DLC1: variants seen among roughly 807,000 people sequenced by gnomAD.
The protein encoded by DLC1 is rho GTPase-activating protein 7.
In DLC1, 54 loss-of-function variants were observed where a neutral mutation model predicts 140.3. The observed-to-expected ratio is 0.38, with a 90% confidence interval of 0.31 to 0.48. The LOEUF is 0.48. Among genes scored for constraint, DLC1 ranks in the 20% least tolerant of loss-of-function variants. DLC1 has a pLI of 0.96. For synonymous variants in DLC1, 986 were observed against 728.1 expected, an observed-to-expected ratio of 1.35 and a Z score of -5.70; for missense variants, 2,536 against 1,907.0, an observed-to-expected ratio of 1.33 and a Z score of -6.14.
At chr8:13,237,031 G>A (rs73560340) in intron 5 of DLC1, among the ~76,000 whole-genome samples, 2,331 of 151,892 alleles carry the variant, frequency 0.015, 67 homozygotes, top group African/African-American at 0.053. Context: ...ATGGCTTTGA[G>A]GTCCCTTCCA....
chr8:13,511,599 G>C (rs1802368533), intron 1 of DLC1, among the ~76,000 whole-genome samples: 1 of 152,078 alleles, frequency 6.6e-6, no homozygotes, highest in African/African-American at 2.4e-5. Context: ...AACTCTGTTT[G>C]GTCTATGTTG....
chr8:13,243,450 CAATT>C (rs1354832794), intron 5 of DLC1, among the ~76,000 whole-genome samples: 1 of 152,010 alleles, frequency 6.6e-6, no homozygotes, highest in African/African-American at 2.4e-5. Context: ...GAAACTGAGT[CAATT>C]AAACCTCTTT....
intron 5 of DLC1, among the ~76,000 whole-genome samples, chr8:13,263,949 C>A (rs905624971): frequency 4.6e-5 from 7 of 151,710 alleles, no homozygotes; most frequent in Non-Finnish European, 1.0e-4. Flanking sequence ...ACAGCAAATA[C>A]TTATGTAAGC....
At chr8:13,281,663 A>G (rs989751304) in intron 5 of DLC1, among the ~76,000 whole-genome samples, 2 of 152,184 alleles carry the variant, frequency 1.3e-5, no homozygotes, top group African/African-American at 4.8e-5. Flanking sequence ...TATATACCAA[A>G]ATCACACTAT....
At chr8:13,423,008 T>C (rs1353341742) in intron 2 of DLC1, among the ~76,000 whole-genome samples, 1 of 152,092 alleles carries the variant, frequency 6.6e-6, no homozygotes, top group East Asian at 1.9e-4. Context: ...ATTAACAAAA[T>C]AGGTGTAGAA....
intron 2 of DLC1, among the ~76,000 whole-genome samples, chr8:13,418,832 C>T (rs954760140): frequency 1.3e-5 from 2 of 152,144 alleles, no homozygotes; most frequent in African/African-American, 2.4e-5. Flanking sequence ...AATATTGATT[C>T]TTCCTACCCA....
intron 1 of DLC1, among the ~76,000 whole-genome samples, chr8:13,540,348 C>T (rs1403953553): frequency 6.6e-6 from 1 of 152,136 alleles, no homozygotes; most frequent in African/African-American, 2.4e-5. Flanking sequence ...TTTAAACTAA[C>T]CGTTCATATT....
chr8:13,323,898 A>T (rs1049287588), intron 4 of DLC1, among the ~76,000 whole-genome samples: 2 of 152,214 alleles, frequency 1.3e-5, no homozygotes, highest in Non-Finnish European at 2.9e-5. Context: ...GAATTTGGAA[A>T]GATGCTCCAG....
chr8:13,442,355 G>A (rs1239961624), intron 2 of DLC1, among the ~76,000 whole-genome samples: 2 of 152,088 alleles, frequency 1.3e-5, no homozygotes, highest in Non-Finnish European at 2.9e-5. Context: ...TTGACAAATG[G>A]GATCTAATTA....
intron 2 of DLC1, among the ~76,000 whole-genome samples, chr8:13,405,927 TTCTTTC>T (rs1837516752): frequency 7.8e-6 from 1 of 128,956 alleles, no homozygotes; most frequent in African/African-American, 2.9e-5. Flanking sequence ...TTTTCTTTCT[TTCTTTC>T]TTTCTTTCTT....
At chr8:13,136,702 T>G (rs1376435462) in intron 5 of DLC1, among the ~76,000 whole-genome samples, 2 of 152,120 alleles carry the variant, frequency 1.3e-5, no homozygotes, top group African/African-American at 2.4e-5. Context: ...ATCTGGCTAA[T>G]TTTTGTATTT....
At chr8:13,302,131 G>C (rs1383757634) in intron 5 of DLC1, among the ~76,000 whole-genome samples, 4 of 152,222 alleles carry the variant, frequency 2.6e-5, no homozygotes, top group African/African-American at 9.6e-5. Context: ...CTCATCCAGA[G>C]TTTCCTGAAG....
chr8:13,433,942 G>A (rs547076167), intron 2 of DLC1, among the ~76,000 whole-genome samples: 3 of 152,094 alleles, frequency 2.0e-5, no homozygotes, highest in Non-Finnish European at 4.4e-5. Flanking sequence ...TGCAATCTCC[G>A]CCTCCTGGGT....
intron 7 of DLC1, among the ~76,000 whole-genome samples, chr8:13,107,012 T>C (rs1585640368): frequency 6.6e-6 from 1 of 152,216 alleles, no homozygotes; most frequent in African/African-American, 2.4e-5. Context: ...CCATTGAGTA[T>C]AGCTCTCATA....
At chr8:13,203,574 C>T (rs188055408) in intron 5 of DLC1, among the ~76,000 whole-genome samples, 46 of 152,320 alleles carry the variant, frequency 3.0e-4, no homozygotes, top group African/African-American at 9.4e-4. Context: ...TCTGGTGACA[C>T]GTCTGGACAG....
chr8:13,549,212 T>A (rs1291045308), intron 1 of DLC1, among the ~76,000 whole-genome samples: 2 of 152,038 alleles, frequency 1.3e-5, no homozygotes, highest in Admixed American at 6.6e-5. Flanking sequence ...GAGGCAGTAT[T>A]CACTGCTGAA....
intron 1 of DLC1, among the ~76,000 whole-genome samples, chr8:13,576,219 T>C (rs997718034): frequency 6.6e-6 from 1 of 152,206 alleles, no homozygotes; most frequent in Admixed American, 6.5e-5. Flanking sequence ...GCATTGCTGT[T>C]CATTCATTAA....
At chr8:13,364,188 A>G (rs1353046805) in intron 4 of DLC1, among the ~76,000 whole-genome samples, 2 of 151,908 alleles carry the variant, frequency 1.3e-5, no homozygotes, top group Non-Finnish European at 2.9e-5. Flanking sequence ...AACACACTGA[A>G]CTCTACATAG....
chr8:13,399,680 A>G (rs2117244642), intron 3 of DLC1, among the ~76,000 whole-genome samples: 1 of 152,328 alleles, frequency 6.6e-6, no homozygotes, highest in African/African-American at 2.4e-5. Flanking sequence ...ATCAGGCCAT[A>G]GCCAATCTAT....
Sources: allele counts gnomAD v4.1 joint callset (sites outside exome capture counted in the v4.1 genomes callset), GRCh38; gene constraint gnomAD v4.1.1; transcripts MANE v1.5; gene names NCBI Gene and HGNC (gene_info 2026-07-23, HGNC 2026-07-21).